Variants in TMC1 observed in about 807,000 individuals in gnomAD.
The protein encoded by TMC1 is transmembrane channel-like protein 1.
Under a neutral mutation model 105.8 loss-of-function variants are expected in TMC1, and 84 were observed. The ratio of observed to expected loss-of-function variants is 0.79; its 90% CI spans 0.67 to 0.95. TMC1 has a LOEUF of 0.95. Ranked by LOEUF, TMC1 falls within the 40% of genes least tolerant of loss-of-function variation. The probability of loss-of-function intolerance (pLI) is 0.00; values close to 1 mark genes in which losing one functional copy is unlikely to be tolerated. For synonymous variants in TMC1, 315 were observed against 311.5 expected (o/e 1.01, Z -0.12); for missense variants, 817 against 914.1 (o/e 0.89, Z 1.37).
At chr9:72,757,417 G>A (rs184714807) in intron 12 of TMC1, among the ~76,000 whole-genome samples, 3 of 152,288 alleles carry the variant, frequency 2.0e-5, no homozygotes, top group Admixed American at 6.5e-5. Flanking sequence ...GCATGAAATA[G>A]CAGATAGCTC....
chr9:72,700,456 C>T lies in TMC1; in HGVS notation c.237-62C>T, dbSNP rs1826623822. 2.1e-6 allele frequency: 3 copies of T among 1,422,960 alleles called. No homozygotes were observed. In the Admixed American group the frequency reaches 6.1e-5, roughly 29 times the overall value. 88.1% of individuals were successfully genotyped at this position (1,422,960 alleles called of 1,614,324 possible). A position where few individuals can be genotyped will look rare whatever the true frequency, so the allele number is the denominator to read the frequency against. On this transcript the variant is annotated intron_variant, in intron 7 of 23. Transcript: ENST00000297784. ...AGCTAAATATCTGATACCTGCCTTC[C>T]TTAAGTTCCAAAGTCAAGCAAAGCT...
intron 9 of TMC1, chr9:72,741,335 T>A: frequency 2.8e-6 from 1 of 351,570 alleles, no homozygotes; most frequent in Non-Finnish European, 5.3e-6. Flanking sequence ...TAACCTTCCT[T>A]TTCTTATGCT....
At chr9:72,640,442 TGACA>T (rs1351574629) in intron 4 of TMC1, among the ~76,000 whole-genome samples, 2 of 152,198 alleles carry the variant, frequency 1.3e-5, no homozygotes, top group Non-Finnish European at 2.9e-5. Context: ...GCAGCCTGAA[TGACA>T]GTAAGCTTTC....
intron 1 of TMC1, among the ~76,000 whole-genome samples, chr9:72,559,509 A>G (rs1259923033): frequency 6.6e-6 from 1 of 152,170 alleles, no homozygotes; most frequent in Non-Finnish European, 1.5e-5. Context: ...TACCTTCTGT[A>G]ACGACCAGGT....
intron 19 of TMC1, among the ~76,000 whole-genome samples, chr9:72,818,927 A>G (rs1828829883): frequency 6.6e-6 from 1 of 152,210 alleles, no homozygotes; most frequent in Non-Finnish European, 1.5e-5. Flanking sequence ...ATAGATGTAT[A>G]CACAAATAAT....
intron 5 of TMC1, among the ~76,000 whole-genome samples, chr9:72,685,840 A>G (rs1208205544): frequency 6.6e-6 from 1 of 152,198 alleles, no homozygotes; most frequent in Non-Finnish European, 1.5e-5. Context: ...TGGAGCTATA[A>G]ACATTGCTTC....
At chr9:72,553,161 C>T (rs750583686) in intron 1 of TMC1, among the ~76,000 whole-genome samples, 4 of 152,024 alleles carry the variant, frequency 2.6e-5, no homozygotes, top group Admixed American at 6.6e-5. Flanking sequence ...TTAGTAGAGA[C>T]GGGGTTTCTC....
chr9:72,540,242 T>C (rs948436962), intron 1 of TMC1, among the ~76,000 whole-genome samples: 9 of 152,292 alleles, frequency 5.9e-5, no homozygotes, highest in Middle Eastern at 3.4e-3. Context: ...CCTTGTTTCT[T>C]GTTGTTTTCT....
intron 5 of TMC1, among the ~76,000 whole-genome samples, chr9:72,657,777 A>C (rs947903951): frequency 2.6e-5 from 4 of 152,220 alleles, no homozygotes; most frequent in African/African-American, 7.2e-5. Flanking sequence ...CAATGAGACA[A>C]AATTAAAAGA....
intron 3 of TMC1, among the ~76,000 whole-genome samples, chr9:72,623,368 G>A (rs1230119903): frequency 6.6e-6 from 1 of 152,008 alleles, no homozygotes; most frequent in Non-Finnish European, 1.5e-5. Flanking sequence ...CAAGGAAATC[G>A]TGGTCTATGG....
chr9:72,816,672 A>C (rs1482366601), intron 19 of TMC1, among the ~76,000 whole-genome samples: 8 of 152,192 alleles, frequency 5.3e-5, no homozygotes, highest in African/African-American at 1.9e-4. Flanking sequence ...TAGTTTATCG[A>C]GATGAAACGC....
intron 4 of TMC1, among the ~76,000 whole-genome samples, chr9:72,646,061 A>G (rs917150727): frequency 3.3e-5 from 5 of 152,210 alleles, no homozygotes; most frequent in African/African-American, 4.8e-5. Flanking sequence ...TCAGCTTATC[A>G]AGTCATGTAC....
At chr9:72,550,568 G>A (rs919655618) in intron 1 of TMC1, among the ~76,000 whole-genome samples, 1 of 147,560 alleles carries the variant, frequency 6.8e-6, no homozygotes, top group Non-Finnish European at 1.5e-5. Flanking sequence ...TGAGGCAGGA[G>A]AATGGCGTGA....
At chr9:72,576,283 C>T (rs919219921) in intron 1 of TMC1, among the ~76,000 whole-genome samples, 1 of 152,156 alleles carries the variant, frequency 6.6e-6, no homozygotes, top group Non-Finnish European at 1.5e-5. Context: ...CTTAGAGCAC[C>T]ATAAATACTC....
chr9:72,553,816 C>T (rs1410836007), intron 1 of TMC1, among the ~76,000 whole-genome samples: 1 of 152,078 alleles, frequency 6.6e-6, no homozygotes, highest in Admixed American at 6.6e-5. Context: ...CTATATGGAG[C>T]CATCTCAATT....
At chr9:72,772,066 G>C (rs1827935580) in intron 12 of TMC1, among the ~76,000 whole-genome samples, 1 of 152,162 alleles carries the variant, frequency 6.6e-6, no homozygotes. Flanking sequence ...CCATCCCCTA[G>C]TATTAAGCAA....
intron 5 of TMC1, among the ~76,000 whole-genome samples, chr9:72,659,821 G>T (rs1386784497): frequency 2.6e-5 from 4 of 152,196 alleles, no homozygotes; most frequent in Non-Finnish European, 5.9e-5. Context: ...AAGAACTAAA[G>T]AATTTCTAAT....
Position 72,804,873 on chromosome 9 carries a change from A to G in TMC1, c.1567-509A>G, listed in dbSNP as rs76501765. ...TTATGTGGGGTTTCGGTATTTTTCA[A>G]TTTTAACGGACCGTTTGTATATGTT... is the stretch of plus-strand genomic sequence containing the variant. On this transcript the variant is annotated intron_variant, in intron 17 of 23. Coordinates refer to ENST00000297784, the MANE Select transcript of TMC1 (RefSeq NM_138691.3). 7.9e-5 allele frequency among the ~76,000 whole-genome samples: 12 copies of G among 152,244 alleles called. No homozygotes were observed. The East Asian group carries it at 1.9e-3, about 25-fold the overall frequency.
intron 5 of TMC1, among the ~76,000 whole-genome samples, chr9:72,674,334 T>C (rs1200844009): frequency 1.3e-5 from 2 of 152,028 alleles, no homozygotes; most frequent in African/African-American, 4.8e-5. Flanking sequence ...AGAGGCAAAC[T>C]ATCTTTGAAA....
Sources: allele counts gnomAD v4.1 joint callset (sites outside exome capture counted in the v4.1 genomes callset), GRCh38; gene constraint gnomAD v4.1.1; transcripts MANE v1.5; gene names NCBI Gene and HGNC (gene_info 2026-07-23, HGNC 2026-07-21).